CTNNA3: variants seen among roughly 807,000 people sequenced by gnomAD.
CTNNA3 encodes catenin alpha-3.
A neutral mutation model predicts 95.7 loss-of-function variants in CTNNA3; 76 were observed. That is an observed-to-expected ratio of 0.79 (90% CI 0.66 to 0.96). The LOEUF is 0.96. CTNNA3 is among the 40% of genes least tolerant of loss of function. The pLI is 0.00. For synonymous variants in CTNNA3, 431 were observed against 374.4 expected (o/e 1.15, Z -1.74); for missense variants, 1,191 against 1,089.8 (o/e 1.09, Z -1.31).
intron 1 of CTNNA3, among the ~76,000 whole-genome samples, chr10:67,726,273 T>TATG (rs1554879456): frequency 4.1e-5 from 4 of 98,184 alleles, no homozygotes; most frequent in African/African-American, 1.3e-4. Flanking sequence ...ACATATTATA[T>TATG]ATATTATATT....
chr10:67,287,767 T>G (rs1208411710), intron 5 of CTNNA3, among the ~76,000 whole-genome samples: 1 of 152,194 alleles, frequency 6.6e-6, no homozygotes, highest in Non-Finnish European at 1.5e-5. Flanking sequence ...CATTTGATAT[T>G]GTGTTCAAAG....
intron 5 of CTNNA3, among the ~76,000 whole-genome samples, chr10:67,237,517 C>A (rs1261941063): frequency 1.3e-5 from 2 of 151,494 alleles, no homozygotes; most frequent in African/African-American, 4.9e-5. Context: ...ACCACCTATT[C>A]CCCAATAACT....
At chr10:67,155,029 T>C (rs1325361221) in intron 7 of CTNNA3, among the ~76,000 whole-genome samples, 1 of 152,054 alleles carries the variant, frequency 6.6e-6, no homozygotes, top group Non-Finnish European at 1.5e-5. Flanking sequence ...TTCTTTTTTT[T>C]AGCACCCTGT....
chr10:66,973,021 C>T (rs772414763), intron 7 of CTNNA3, among the ~76,000 whole-genome samples: 1 of 152,180 alleles, frequency 6.6e-6, no homozygotes, highest in African/African-American at 2.4e-5. Context: ...AGCAGTTTTA[C>T]ATCATGTTTA....
At chr10:66,216,479 T>A (rs190722492) in intron 13 of CTNNA3, among the ~76,000 whole-genome samples, 55 of 152,302 alleles carry the variant, frequency 3.6e-4, no homozygotes, top group African/African-American at 1.2e-3. Context: ...CTCCTTAGAC[T>A]TTGGGGATAA....
chr10:66,743,974 CAAAAAA>C lies in CTNNA3; in HGVS notation c.1281+22284_1281+22289del, dbSNP rs536825430. Reference sequence around the variant, plus strand: ...CTGGTGACACAGTGAGATTCCATCTCAAAAAAAAAAAAAAAAAAAAAAAAAGGAAAG... The same window carrying C: ...CTGGTGACACAGTGAGATTCCATCTCAAAAAAAAAAAAAAAAAAAGGAAAG... On this transcript the variant is annotated intron_variant, in intron 9 of 17. Coordinates refer to ENST00000433211, the MANE Select transcript of CTNNA3 (RefSeq NM_013266.4). Among the ~76,000 whole-genome samples, 32 of 45,054 alleles carry C rather than the reference CAAAAAA, an allele frequency of 7.1e-4. No individual in the cohort carries two copies. In the South Asian group the frequency reaches 0.021, roughly 29 times the overall value. The allele number at this position is 45,054 out of a possible 152,430, so 29.6% of individuals were successfully genotyped here.
intron 15 of CTNNA3, among the ~76,000 whole-genome samples, chr10:66,029,824 G>A (rs553626789): frequency 6.6e-6 from 1 of 152,242 alleles, no homozygotes; most frequent in South Asian, 2.1e-4. Flanking sequence ...ACAAATAAAT[G>A]AAGAAGTTCT....
chr10:66,483,429 A>C lies in CTNNA3; in HGVS notation c.1531+37188T>G, dbSNP rs573086205. Reference sequence around the variant, plus strand: ...TTGTGGCCATGAGCTGCAGCTTGGCATTACATAGAATTGAGGGCAAAATAA... The same window carrying C: ...TTGTGGCCATGAGCTGCAGCTTGGCCTTACATAGAATTGAGGGCAAAATAA... On this transcript the variant is annotated intron_variant, in intron 11 of 17. Coordinates refer to ENST00000433211, the MANE Select transcript of CTNNA3 (RefSeq NM_013266.4). 2.4e-4 allele frequency among the ~76,000 whole-genome samples: 37 copies of C among 152,202 alleles called. No individual in the cohort carries two copies. In the South Asian group the frequency reaches 7.5e-3, roughly 31 times the overall value.
At chr10:67,466,486 TG>T (rs1204280376) in intron 5 of CTNNA3, among the ~76,000 whole-genome samples, 1 of 152,238 alleles carries the variant, frequency 6.6e-6, no homozygotes, top group African/African-American at 2.4e-5. Context: ...GTGCTACCAT[TG>T]CTTTTAGGAT....
Position 67,751,775 on chromosome 10 carries a change from G to A in CTNNA3, c.-2+11659C>T, listed in dbSNP as rs1589589399. The stretch of plus-strand genomic sequence containing the variant: ...CTCAAGACTAAACCAAGAAAAATTC[G>A]AATCCCTGAATAGACTAATAACAAG... On this transcript the variant is annotated intron_variant, in intron 1 of 17. Transcript: ENST00000684154. Among the ~76,000 whole-genome samples the A allele has an allele frequency of 2.1e-5, 3 of 145,592 alleles. No individual in the cohort carries two copies. In the South Asian group the frequency reaches 6.5e-4, roughly 32 times the overall value.
chr10:66,323,746 C>T (rs2132295822), intron 12 of CTNNA3, among the ~76,000 whole-genome samples: 2 of 151,932 alleles, frequency 1.3e-5, no homozygotes, highest in Middle Eastern at 3.4e-3. Context: ...TGAGAACAGG[C>T]ATTTCTGTTT....
At chr10:66,766,596 C>T (rs1024043548) in intron 8 of CTNNA3, among the ~76,000 whole-genome samples, 180 bp from the exon 9 acceptor site, 3 of 151,766 alleles carry the variant, frequency 2.0e-5, no homozygotes, top group Admixed American at 1.3e-4. Flanking sequence ...AATATCCAGG[C>T]AAAAAGAAAA....
chr10:66,657,431 C>T (rs1223565449), intron 9 of CTNNA3, among the ~76,000 whole-genome samples: 1 of 152,108 alleles, frequency 6.6e-6, no homozygotes, highest in Non-Finnish European at 1.5e-5. Context: ...AAAAACAACA[C>T]ACATCCCAAT....
chr10:67,301,300 A>G (rs1840257224), intron 5 of CTNNA3, among the ~76,000 whole-genome samples: 1 of 152,062 alleles, frequency 6.6e-6, no homozygotes, highest in Admixed American at 6.6e-5. Flanking sequence ...AACCACAATG[A>G]GACATCTCAC....
At chr10:67,353,291 C>T (rs1034362191) in intron 5 of CTNNA3, among the ~76,000 whole-genome samples, 1 of 151,968 alleles carries the variant, frequency 6.6e-6, no homozygotes, top group African/African-American at 2.4e-5. Flanking sequence ...CATTGGTCTA[C>T]TGTGGGGCAT....
chr10:67,425,806 G>A lies in CTNNA3; in HGVS notation c.579+96036C>T, dbSNP rs188490701. Among the ~76,000 whole-genome samples, 189 of 152,144 alleles carry A rather than the reference G, an allele frequency of 1.2e-3. 1 individual carries two copies. The highest frequency in any genetic ancestry group is 4.4e-3 in the African/African-American group (181 of 41,522). ...CTCATAGAGAAGGGGGATGGAGAGA[G>A]GTGTTATGACCGTTTTTGTTGCTTT... On this transcript the variant is annotated intron_variant, in intron 5 of 17. Coordinates refer to ENST00000433211, the MANE Select transcript of CTNNA3 (RefSeq NM_013266.4).
chr10:66,424,618 T>C (rs1281654926), intron 11 of CTNNA3, among the ~76,000 whole-genome samples: 2 of 152,126 alleles, frequency 1.3e-5, no homozygotes, highest in African/African-American at 4.8e-5. Flanking sequence ...TGATATCTAA[T>C]TTAATTGTAT....
intron 3 of CTNNA3, among the ~76,000 whole-genome samples, chr10:67,554,720 T>G (rs936332830): frequency 2.0e-5 from 3 of 152,224 alleles, no homozygotes; most frequent in African/African-American, 7.2e-5. Context: ...TTCACTCTGA[T>G]GGTAGTTTCT....
chr10:67,023,879 T>C (rs905848509), intron 7 of CTNNA3, among the ~76,000 whole-genome samples: 2 of 152,214 alleles, frequency 1.3e-5, no homozygotes, highest in African/African-American at 2.4e-5. Context: ...TGACACTCAA[T>C]ACTTGGATGG....
Sources: gnomAD v4.1 joint callset for allele counts (sites outside exome capture counted in the v4.1 genomes callset) on GRCh38, gnomAD v4.1.1 for gene constraint, MANE v1.5 for transcripts, NCBI Gene and HGNC (gene_info 2026-07-23, HGNC 2026-07-21) for gene names.